The following CLDN22 variants were observed in gnomAD, a reference collection of about 807,000 sequenced individuals.
CLDN22 encodes claudin 22.
For synonymous variants in CLDN22, 86 were observed against 107.9 expected (o/e 0.80, Z 1.26); for missense variants, 227 against 252.2 (o/e 0.90, Z 0.68).
At position 183,319,580 on chromosome 4, in the gene CLDN22, C is replaced by A. The variant is rs772319025; in HGVS notation, c.639G>T (p.Thr213=). The part of the protein sequence containing the change: ...QTQDHHQELE[T]RNTNLKH ...CTTAGTGTTTCAGGTTGGTGTTTCT[C>A]GTCTCCAGTTCTTGATGATGATCTT... The change falls in exon 1 of 1, where the codon ACG becomes ACT. Residue 213 remains threonine (T), a synonymous_variant. Transcript: ENST00000323319. 1.2e-6 allele frequency: 2 copies of A among 1,612,478 alleles called. No homozygotes were observed. Among genetic ancestry groups the A allele is most frequent in the Non-Finnish European group, 1.7e-6 (2 of 1,179,346 alleles).
Position 183,319,268 on chromosome 4 carries a change from T to G in CLDN22, c.*288A>C. On this transcript the variant is annotated 3_prime_UTR_variant, in exon 1 of 1. Transcript: ENST00000323319. The stretch of plus-strand genomic sequence containing the variant: ...TATGAATAATACCTTCAAAGATACA[T>G]AGAGATTAATGTTTTATTTACCACT... 9.6e-6 allele frequency: 3 copies of G among 311,788 alleles called. No individual in the cohort carries two copies. Among genetic ancestry groups the G allele is most frequent in the Non-Finnish European group, 1.8e-5 (3 of 170,920 alleles). The allele number at this position is 311,788 out of a possible 1,614,324, so 19.3% of individuals were successfully genotyped here. A position where few individuals can be genotyped will look rare whatever the true frequency, so the allele number is the denominator to read the frequency against.
In CLDN22 at chr4:183,319,750, C is replaced by A. The variant is rs749698973; in HGVS notation, c.469G>T (p.Val157Phe). ...GCCTCCCCAAACTCCCACCTGGGGA[C>A]AAAGTCTGGGACGTTCTCATCCCAG... The part of the protein sequence containing the change: ...EFWDENVPDF[V>F]PRWEFGEALF... The change falls in exon 1 of 1, where the codon GTC (valine) becomes TTC (phenylalanine). Residue 157 changes from valine to phenylalanine, a missense_variant. Val to Phe is a conservative substitution (Grantham distance 50). Transcript: ENST00000323319. The A allele has an allele frequency of 1.5e-5, 24 of 1,613,932 alleles. No individual in the cohort carries two copies. Among genetic ancestry groups the A allele is most frequent in the Non-Finnish European group, 2.0e-5 (24 of 1,179,904 alleles).
rs370101040 is a variant in CLDN22 at position 183,320,048 on chromosome 4, T to A, written c.171A>T (p.Gln57His). The A allele has an allele frequency of 8.7e-6, 14 of 1,613,986 alleles. No homozygotes were observed. The African/African-American group carries it at 1.6e-4, about 18-fold the overall frequency. Residue 57 changes from glutamine (Q) to histidine (H), a missense_variant, in exon 1 of 1, where the codon CAA becomes CAT. Gln to His is a conservative substitution (Grantham distance 24). Transcript: ENST00000323319. ...CCTTGCATTGCATCCCCACTTCCTC[T>A]TGGATGACACAGGTTTGCCAGAGTC... ...TMGLWQTCVI[Q>H]EEVGMQCKDF...
rs1302505201 is a variant in CLDN22, at chr4:183,319,362, T to G, written c.*194A>C. On this transcript the variant is annotated 3_prime_UTR_variant, in exon 1 of 1. Transcript: ENST00000323319. ...TAATGGGTGTCATTACTATTCAGTC[T>G]TGATTGATTTTGGTCTCAGACTAGA... The G allele has an allele frequency of 1.6e-6, 1 of 618,956 alleles. No individual in the cohort carries two copies. The highest frequency in any genetic ancestry group is 1.8e-5 in the African/African-American group (1 of 55,078). 38.3% of individuals were successfully genotyped at this position (618,956 alleles called of 1,614,324 possible).
Position 183,319,418 on chromosome 4 carries a change from A to T in CLDN22, c.*138T>A. The T allele has an allele frequency of 1.0e-6, 1 of 965,824 alleles. No individual in the cohort carries two copies. Among genetic ancestry groups the T allele is most frequent in the Non-Finnish European group, 1.5e-6 (1 of 647,236 alleles). 59.8% of individuals were successfully genotyped at this position (965,824 alleles called of 1,614,324 possible). A position where few individuals can be genotyped will look rare whatever the true frequency, so the allele number is the denominator to read the frequency against. ...AAAATGGTTTACCAGTCTTGGAAAGAAACTATAGTTTAATAGCCACAGGAA... is the reference window on the plus strand; with the variant it reads ...AAAATGGTTTACCAGTCTTGGAAAGTAACTATAGTTTAATAGCCACAGGAA... On this transcript the variant is annotated 3_prime_UTR_variant, in exon 1 of 1. Transcript: ENST00000323319.
Position 183,320,008 on chromosome 4 carries a change from G to T in CLDN22, c.211C>A (p.Leu71Met), listed in dbSNP as rs140845770. Residue 71 changes from leucine to methionine, a missense_variant, in exon 1 of 1, where the codon CTG becomes ATG. Leu to Met is a conservative substitution (Grantham distance 15, BLOSUM62 2). Transcript: ENST00000323319. ...GMQCKDFDSF[L>M]ALPAELRVSR... The stretch of plus-strand genomic sequence containing the variant: ...ACCCTGAGTTCAGCAGGCAAAGCCA[G>T]GAAGGAGTCAAAGTCCTTGCATTGC... The T allele has an allele frequency of 1.5e-5, 25 of 1,613,954 alleles. No homozygotes were observed. In the East Asian group the frequency reaches 4.7e-4, roughly 30 times the overall value.
In CLDN22 at chr4:183,319,302, A is replaced by G. The variant is rs913641884; in HGVS notation, c.*254T>C. ...ATGTTTTATTTACCACTTCTGTGCA[A>G]TCGCTATTTTAAAATTGAGAAAACT... On this transcript the variant is annotated 3_prime_UTR_variant, in exon 1 of 1. Coordinates refer to ENST00000323319, the MANE Select transcript of CLDN22 (RefSeq NM_001111319.3). The G allele has an allele frequency of 4.8e-6, 2 of 417,730 alleles. No homozygotes were observed. Among genetic ancestry groups the G allele is most frequent in the South Asian group, 4.4e-5 (1 of 22,706 alleles). 25.9% of individuals were successfully genotyped at this position (417,730 alleles called of 1,614,324 possible).
In CLDN22 at chr4:183,319,787, C is replaced by T. The variant is rs377550476; in HGVS notation, c.432G>A (p.Thr144=). 18 of 1,613,874 alleles carry T rather than the reference C, an allele frequency of 1.1e-5. No homozygotes were observed. Among genetic ancestry groups the T allele is most frequent in the South Asian group, 6.6e-5 (6 of 91,068 alleles). The change falls in exon 1 of 1, where the codon ACG becomes ACA. Residue 144 remains threonine (T), a synonymous_variant. Transcript: ENST00000323319. ...CGTTCTCATCCCAGAACTCCTGAAC[C>T]GTCTTGTGGGCAACCCAAGAGACGG... is the stretch of plus-strand genomic sequence containing the variant. The part of the protein sequence containing the change: ...LVPVSWVAHK[T]VQEFWDENVP...
In CLDN22 at chr4:183,319,841, G is replaced by A; in HGVS notation, c.378C>T (p.Ser126=). Residue 126 remains serine, a synonymous_variant, in exon 1 of 1, where the codon TCC becomes TCT. Coordinates refer to ENST00000323319, the MANE Select transcript of CLDN22 (RefSeq NM_001111319.3). ...CCAGGGCTGTGACTCCCGAGGCCCA[G>A]GACAGAATTCCTCCCAGGATCAGCA... The part of the protein sequence containing the change: ...RRLLILGGIL[S]WASGVTALVP... The A allele has an allele frequency of 1.2e-6, 2 of 1,613,976 alleles. No homozygotes were observed. Among genetic ancestry groups the A allele is most frequent in the African/African-American group, 1.3e-5 (1 of 75,030 alleles).
At position 183,319,671 on chromosome 4, in the gene CLDN22, A is replaced by C. The variant is rs770263312; in HGVS notation, c.548T>G (p.Leu183Arg). The change falls in exon 1 of 1, where the codon CTC (leucine) becomes CGC (arginine). Residue 183 changes from leucine (L) to arginine (R), a missense_variant. By Grantham distance (102) the Leu-to-Arg change is moderately radical. Transcript: ENST00000323319. Reference sequence around the variant, plus strand: ...GTGGCTGGAGCAGGCTGCACAGTGGAGCAGACACCCTCCTAGCAGAAGAGA... The same window carrying C: ...GTGGCTGGAGCAGGCTGCACAGTGGCGCAGACACCCTCCTAGCAGAAGAGA... Reference protein sequence around the residue: ...GLSLLLGGCLLHCAACSSHAP... With the variant: ...GLSLLLGGCLRHCAACSSHAP... 8.7e-6 allele frequency: 14 copies of C among 1,613,970 alleles called. No homozygotes were observed. The highest frequency in any genetic ancestry group is 1.3e-5 in the African/African-American group (1 of 74,880).
Position 183,320,266 on chromosome 4 carries a change from G to A in CLDN22, c.-48C>T, listed in dbSNP as rs1276310578. On this transcript the variant is annotated 5_prime_UTR_variant, in exon 1 of 1. Transcript: ENST00000323319. ...CCAAACTAACTCCTGCCCTTCGGTT[G>A]CTGTGAAAAGAAGTGTGACACTTGT... 6.6e-7 allele frequency: 1 copy of A among 1,523,826 alleles called. No individual in the cohort carries two copies. The allele number at this position is 1,523,826 out of a possible 1,614,324, so 94.4% of individuals were successfully genotyped here.
chr4:183,319,405 C>T lies in CLDN22; in HGVS notation c.*151G>A. On this transcript the variant is annotated 3_prime_UTR_variant, in exon 1 of 1. Transcript: ENST00000323319. ...AGACTAGAAGATAAAAATGGTTTAC[C>T]AGTCTTGGAAAGAAACTATAGTTTA... The T allele has an allele frequency of 4.7e-6, 4 of 845,336 alleles. No homozygotes were observed. Among genetic ancestry groups the T allele is most frequent in the Non-Finnish European group, 1.8e-6 (1 of 545,622 alleles). 52.4% of individuals were successfully genotyped at this position (845,336 alleles called of 1,614,324 possible).
rs979750892 is a variant in CLDN22 at position 183,318,143 on chromosome 4, G to A, written c.*1413C>T. On this transcript the variant is annotated 3_prime_UTR_variant, in exon 1 of 1. Coordinates refer to ENST00000323319, the MANE Select transcript of CLDN22 (RefSeq NM_001111319.3). ...TTTATTCGCACAGGGTAAAAAGAAT[G>A]TAATATTTAGTTCTCAAGTTTGAAT... 6.6e-6 allele frequency: 1 copy of A among 152,328 alleles called. No individual in the cohort carries two copies. Among genetic ancestry groups the A allele is most frequent in the African/African-American group, 2.4e-5 (1 of 41,402 alleles). 9.4% of individuals were successfully genotyped at this position (152,328 alleles called of 1,614,324 possible). A position where few individuals can be genotyped will look rare whatever the true frequency, so the allele number is the denominator to read the frequency against.
In CLDN22 at chr4:183,318,737, G is replaced by A. The variant is rs138308020; in HGVS notation, c.*819C>T. ...AGTATTTTCATTGAGCAAATAAAATGAAGGGCTCCAGAATATGTGCTCTGT... is the reference window on the plus strand; with the variant it reads ...AGTATTTTCATTGAGCAAATAAAATAAAGGGCTCCAGAATATGTGCTCTGT... On this transcript the variant is annotated 3_prime_UTR_variant, in exon 1 of 1. Coordinates refer to ENST00000323319, the MANE Select transcript of CLDN22 (RefSeq NM_001111319.3). 6.6e-6 allele frequency: 1 copy of A among 152,340 alleles called. No individual in the cohort carries two copies. The highest frequency in any genetic ancestry group is 1.9e-4 in the East Asian group (1 of 5,184). 9.4% of individuals were successfully genotyped at this position (152,340 alleles called of 1,614,324 possible).
At position 183,319,689 on chromosome 4, in the gene CLDN22, A is replaced by G. The variant is rs61734096; in HGVS notation, c.530T>C (p.Leu177Pro). Residue 177 changes from leucine (L) to proline (P), a missense_variant, in exon 1 of 1, where the codon CTG (leucine) becomes CCG (proline). Physicochemically the swap from Leu to Pro is moderately conservative, Grantham distance 98. Coordinates refer to ENST00000323319, the MANE Select transcript of CLDN22 (RefSeq NM_001111319.3). ...ACAGTGGAGCAGACACCCTCCTAGC[A>G]GAAGAGAAAGTCCAGCAAACCAGCC... Reference protein sequence around the residue: ...FLGWFAGLSLLLGGCLLHCAA... With the variant: ...FLGWFAGLSLPLGGCLLHCAA... The G allele has an allele frequency of 5.8e-3, 9,296 of 1,614,038 alleles. 421 individuals are homozygous for G. The African/African-American group carries it at 0.11, about 19-fold the overall frequency.
Position 183,319,164 on chromosome 4 carries a change from A to G in CLDN22, c.*392T>C, listed in dbSNP as rs1404425344. ...GTCATGCATTTTAAATAAATATGCA[A>G]CAAGACCTCAGGCTTATTATACTAG... On this transcript the variant is annotated 3_prime_UTR_variant, in exon 1 of 1. Transcript: ENST00000323319. 8 of 164,976 alleles carry G rather than the reference A, an allele frequency of 4.8e-5. No individual in the cohort carries two copies. The South Asian group carries it at 1.1e-3, about 23-fold the overall frequency. 10.2% of individuals were successfully genotyped at this position (164,976 alleles called of 1,614,324 possible). A position where few individuals can be genotyped will look rare whatever the true frequency, so the allele number is the denominator to read the frequency against.
rs1288524360 is a variant in CLDN22 at position 183,320,196 on chromosome 4, A to G, written c.23T>C (p.Val8Ala). Residue 8 changes from valine to alanine, a missense_variant, in exon 1 of 1, where the codon GTA (valine) becomes GCA (alanine). Val to Ala is a moderately conservative substitution (Grantham distance 64). Coordinates refer to ENST00000323319, the MANE Select transcript of CLDN22 (RefSeq NM_001111319.3). ...TAATGAAACTCCAGCTAGTTGAGCT[A>G]CAGTTCTAAATACTAAAGCCATTAT... Reference protein sequence around the residue: MALVFRTVAQLAGVSLSL... With the variant: MALVFRTAAQLAGVSLSL... 6.2e-7 allele frequency: 1 copy of G among 1,614,078 alleles called. No homozygotes were observed. Among genetic ancestry groups the G allele is most frequent in the South Asian group, 1.1e-5 (1 of 91,070 alleles).
chr4:183,320,276 G>T lies in CLDN22; in HGVS notation c.-58C>A. On this transcript the variant is annotated 5_prime_UTR_variant, in exon 1 of 1. Coordinates refer to ENST00000323319, the MANE Select transcript of CLDN22 (RefSeq NM_001111319.3). ...TCCTGCCCTTCGGTTGCTGTGAAAA[G>T]AAGTGTGACACTTGTGTTATAACTT... 1 of 1,441,736 alleles carries T rather than the reference G, an allele frequency of 6.9e-7. No individual in the cohort carries two copies. Among genetic ancestry groups the T allele is most frequent in the Non-Finnish European group, 9.5e-7 (1 of 1,050,434 alleles). 89.3% of individuals were successfully genotyped at this position (1,441,736 alleles called of 1,614,324 possible). A position where few individuals can be genotyped will look rare whatever the true frequency, so the allele number is the denominator to read the frequency against.
At position 183,319,734 on chromosome 4, in the gene CLDN22, A is replaced by G. The variant is rs748477168; in HGVS notation, c.485T>C (p.Phe162Ser). 17 of 1,613,856 alleles carry G rather than the reference A, an allele frequency of 1.1e-5. No individual in the cohort carries two copies. The highest frequency in any genetic ancestry group is 1.7e-5 in the Admixed American group (1 of 59,978). ...CCAGCCCAGAAACAGGGCCTCCCCA[A>G]ACTCCCACCTGGGGACAAAGTCTGG... ...NVPDFVPRWE[F>S]GEALFLGWFA... Residue 162 changes from phenylalanine (F) to serine (S), a missense_variant, in exon 1 of 1, where the codon TTT (phenylalanine) becomes TCT (serine). Phe to Ser is a radical substitution (Grantham distance 155). Coordinates refer to ENST00000323319, the MANE Select transcript of CLDN22 (RefSeq NM_001111319.3).
Sources: allele counts gnomAD v4.1 joint callset, GRCh38; gene constraint gnomAD v4.1.1; transcripts MANE v1.5; gene names NCBI Gene and HGNC (gene_info 2026-07-23, HGNC 2026-07-21).